GSK3B: variants seen among roughly 807,000 people sequenced by gnomAD.
The protein encoded by GSK3B is glycogen synthase kinase-3 beta.
GSK3B carries 15 observed loss-of-function variants against 56.4 expected under a neutral mutation model. The ratio of observed to expected loss-of-function variants is 0.27; its 90% CI spans 0.18 to 0.41. The LOEUF (loss-of-function observed/expected upper bound fraction) is 0.41, where lower values mean the gene tolerates loss of function less well. Among genes scored for constraint, GSK3B ranks in the 10% least tolerant of loss-of-function variants. GSK3B has a pLI of 1.00. For synonymous variants in GSK3B, 181 were observed against 188.9 expected (o/e 0.96, Z 0.34); for missense variants, 300 against 513.4 (o/e 0.58, Z 4.02).
At chr3:119,838,758 T>C (rs1216381136) in intron 10 of GSK3B, among the ~76,000 whole-genome samples, 1 of 152,216 alleles carries the variant, frequency 6.6e-6, no homozygotes, top group Non-Finnish European at 1.5e-5. Flanking sequence ...ATATGATTTA[T>C]GATTATATAT....
At chr3:119,905,601 G>A (rs938820029) in intron 7 of GSK3B, among the ~76,000 whole-genome samples, 154 bp downstream of exon 7, 2 of 152,086 alleles carry the variant, frequency 1.3e-5, no homozygotes, top group Admixed American at 6.6e-5. Flanking sequence ...CTGGGGGGGC[G>A]TTCTTATACC....
At chr3:119,926,327 TCC>T (rs1491149968) in intron 3 of GSK3B, among the ~76,000 whole-genome samples, 1 of 125,026 alleles carries the variant, frequency 8.0e-6, no homozygotes, top group Admixed American at 7.5e-5. Context: ...CTCTTACACT[TCC>T]ACACACACAC....
At chr3:119,841,560 T>A (rs2055772465) in intron 10 of GSK3B, among the ~76,000 whole-genome samples, 2 of 152,196 alleles carry the variant, frequency 1.3e-5, no homozygotes, top group African/African-American at 4.8e-5. Context: ...GTCATACTTT[T>A]AAAAAATCTT....
At chr3:120,042,067 T>C (rs924638932) in intron 1 of GSK3B, among the ~76,000 whole-genome samples, 2 of 152,210 alleles carry the variant, frequency 1.3e-5, no homozygotes, top group Non-Finnish European at 2.9e-5. Flanking sequence ...GAGCACTGAA[T>C]AACCTTCAGT....
chr3:120,016,328 G>A (rs1319704306), intron 1 of GSK3B, among the ~76,000 whole-genome samples: 1 of 152,140 alleles, frequency 6.6e-6, no homozygotes, highest in Admixed American at 6.5e-5. Flanking sequence ...CACACTTGAA[G>A]AGCCACAATA....
chr3:119,857,613 G>A (rs893457356), intron 9 of GSK3B, among the ~76,000 whole-genome samples: 1 of 152,106 alleles, frequency 6.6e-6, no homozygotes, highest in African/African-American at 2.4e-5. Flanking sequence ...GAAGTCTTGA[G>A]CCCCTCAGAG....
At chr3:120,007,141 G>A (rs148566277) in intron 1 of GSK3B, among the ~76,000 whole-genome samples, 2,433 of 152,114 alleles carry the variant, frequency 0.016, 62 homozygotes, top group African/African-American at 0.055. Flanking sequence ...ACACCTCTAC[G>A]CAAATAAACT....
intron 9 of GSK3B, among the ~76,000 whole-genome samples, chr3:119,845,133 A>T (rs2055837772): frequency 6.6e-6 from 1 of 152,232 alleles, no homozygotes; most frequent in Non-Finnish European, 1.5e-5. Flanking sequence ...AAAAACACTC[A>T]ATAAACTAGG....
In GSK3B at chr3:119,822,650, G is replaced by C; in HGVS notation, c.*4138C>G. ...AGTCTGGGACTCTACTGTGCTTCTA[G>C]TTGTCTCTTTTATTTTCAGTGGCTC... On this transcript the variant is annotated 3_prime_UTR_variant, in exon 11 of 11. Transcript: ENST00000264235. 4.4e-6 allele frequency: 1 copy of C among 228,814 alleles called. No homozygotes were observed. Among genetic ancestry groups the C allele is most frequent in the Non-Finnish European group, 8.7e-6 (1 of 115,374 alleles). The allele number at this position is 228,814 out of a possible 1,614,324, so 14.2% of individuals were successfully genotyped here. A position where few individuals can be genotyped will look rare whatever the true frequency, so the allele number is the denominator to read the frequency against.
chr3:120,000,535 T>C (rs1272821836), intron 2 of GSK3B, among the ~76,000 whole-genome samples: 4 of 152,236 alleles, frequency 2.6e-5, no homozygotes, highest in Non-Finnish European at 4.4e-5. Context: ...CTTCTTGTTA[T>C]ATCCCTTCAT....
chr3:119,839,051 T>C (rs2055734439), intron 10 of GSK3B, among the ~76,000 whole-genome samples: 1 of 152,200 alleles, frequency 6.6e-6, no homozygotes, highest in Non-Finnish European at 1.5e-5. Context: ...TGAGAAAGAA[T>C]TGTGATATTT....
chr3:119,827,071 T>G (rs997601436), intron 10 of GSK3B, among the ~76,000 whole-genome samples: 4 of 152,214 alleles, frequency 2.6e-5, no homozygotes, highest in African/African-American at 9.6e-5. Flanking sequence ...GGGAAGACAG[T>G]GTCTTTGAAT....
At chr3:119,863,705 C>A in intron 8 of GSK3B, 100 bp from the exon 9 acceptor site, 1 of 734,176 alleles carries the variant, frequency 1.4e-6, no homozygotes, top group South Asian at 1.9e-5. Context: ...TGTACAGAAA[C>A]ATGGTTGCAT....
intron 1 of GSK3B, among the ~76,000 whole-genome samples, chr3:120,033,621 C>A (rs527589392): frequency 1.3e-5 from 2 of 152,168 alleles, no homozygotes; most frequent in Non-Finnish European, 2.9e-5. Flanking sequence ...GTGTCCCCAC[C>A]CAAATCTCAT....
chr3:119,997,418 C>T (rs982391168), intron 2 of GSK3B, among the ~76,000 whole-genome samples: 3 of 152,128 alleles, frequency 2.0e-5, no homozygotes, highest in African/African-American at 7.2e-5. Flanking sequence ...AATTACTACA[C>T]ATATCTAGAT....
intron 7 of GSK3B, among the ~76,000 whole-genome samples, chr3:119,891,776 A>G (rs890615304): frequency 1.3e-5 from 2 of 152,142 alleles, no homozygotes; most frequent in African/African-American, 4.8e-5. Context: ...AGAGGGGGGA[A>G]TTTTAAAAAT....
chr3:119,881,994 T>C (rs760235402), intron 7 of GSK3B, among the ~76,000 whole-genome samples: 1 of 152,208 alleles, frequency 6.6e-6, no homozygotes, highest in Non-Finnish European at 1.5e-5. Context: ...TTGTGAGGCC[T>C]TCCCAGGCAT....
intron 1 of GSK3B, among the ~76,000 whole-genome samples, chr3:120,017,507 C>T (rs2057837341): frequency 6.6e-6 from 1 of 152,218 alleles, no homozygotes; most frequent in African/African-American, 2.4e-5. Flanking sequence ...ACCCTGCCCT[C>T]ACCTGAAATA....
intron 1 of GSK3B, among the ~76,000 whole-genome samples, chr3:120,068,275 C>T (rs992440525): frequency 1.7e-4 from 26 of 151,706 alleles, no homozygotes; most frequent in African/African-American, 6.0e-4. Context: ...CCTGTAATAC[C>T]AGCTACTCAG....
Sources: allele counts gnomAD v4.1 joint callset (sites outside exome capture counted in the v4.1 genomes callset), GRCh38; gene constraint gnomAD v4.1.1; transcripts MANE v1.5; gene names NCBI Gene and HGNC (gene_info 2026-07-23, HGNC 2026-07-21).